RFPL1: variants seen among roughly 807,000 people sequenced by gnomAD.
RFPL1 encodes ret finger protein like 1, also known as ret finger protein-like 1.
Under a neutral mutation model 9.6 loss-of-function variants are expected in RFPL1, and 6 were observed. The ratio of observed to expected loss-of-function variants is 0.62; its 90% CI spans 0.34 to 1.23. The LOEUF is 1.23. RFPL1 is among the 50% of genes most tolerant of loss of function. The pLI, the probability that RFPL1 is intolerant of heterozygous loss-of-function variation, is 0.03. For synonymous variants in RFPL1, 145 were observed against 149.4 expected (o/e 0.97, Z 0.22); for missense variants, 352 against 398.4 (o/e 0.88, Z 0.99).
chr22:29,413,177 T>C, the RFPL1 span, among the ~76,000 whole-genome samples: 2 of 151,852 alleles, frequency 1.3e-5, no homozygotes, highest in African/African-American at 4.8e-5. Flanking sequence ...CAGTCATATA[T>C]GTGCCTCTTC....
At chr22:29,428,832 T>A in the RFPL1 span, among the ~76,000 whole-genome samples, 1 of 152,106 alleles carries the variant, frequency 6.6e-6, no homozygotes, top group Admixed American at 6.5e-5. Context: ...CTATGGTGTA[T>A]AATAAAAGCA....
chr22:29,414,360 A>G, the RFPL1 span, among the ~76,000 whole-genome samples: 1 of 152,352 alleles, frequency 6.6e-6, no homozygotes, highest in East Asian at 1.9e-4. Flanking sequence ...TAGCAAAACA[A>G]CTTTACTTTT....
the RFPL1 span, among the ~76,000 whole-genome samples, chr22:29,427,145 C>G: frequency 6.6e-6 from 1 of 152,224 alleles, no homozygotes; most frequent in African/African-American, 2.4e-5. Context: ...CCTGGCCACC[C>G]AGCAGCTCTG....
the RFPL1 span, chr22:29,388,385 A>G: frequency 6.6e-6 from 1 of 152,008 alleles, no homozygotes; most frequent in Non-Finnish European, 1.5e-5. Flanking sequence ...CCCTCGCCCC[A>G]CTTCTTCTCC....
chr22:29,415,381 C>T, the RFPL1 span, among the ~76,000 whole-genome samples: 1 of 152,248 alleles, frequency 6.6e-6, no homozygotes, highest in African/African-American at 2.4e-5. Flanking sequence ...ACTCCAAGCG[C>T]CAGTTCCTTC....
chr22:29,438,537 G>A (rs113099274), upstream of RFPL1: 125 of 1,294,246 alleles, frequency 9.7e-5, no homozygotes, highest in African/African-American at 1.6e-3. Flanking sequence ...GGTTCCCCTA[G>A]GAGGAGGTGA....
chr22:29,426,989 A>G, the RFPL1 span, among the ~76,000 whole-genome samples: 257 of 152,314 alleles, frequency 1.7e-3, no homozygotes, highest in Middle Eastern at 3.4e-3. Context: ...CTTTACATCC[A>G]TGAAATGGGG....
the RFPL1 span, among the ~76,000 whole-genome samples, chr22:29,412,158 C>T: frequency 6.6e-6 from 1 of 152,148 alleles, no homozygotes; most frequent in Non-Finnish European, 1.5e-5. Context: ...TTTTCTGACA[C>T]AGAGCAGACA....
chr22:29,389,872 C>G, the RFPL1 span, among the ~76,000 whole-genome samples: 1 of 151,352 alleles, frequency 6.6e-6, no homozygotes, highest in Admixed American at 6.6e-5. Context: ...GATTTTGGCT[C>G]ACTGCAACCT....
chr22:29,404,446 G>T, the RFPL1 span, among the ~76,000 whole-genome samples: 1 of 151,760 alleles, frequency 6.6e-6, no homozygotes, highest in Non-Finnish European at 1.5e-5. Context: ...TTTTAAGTTA[G>T]GTGTAATATG....
the RFPL1 span, among the ~76,000 whole-genome samples, chr22:29,398,693 A>G: frequency 6.6e-6 from 1 of 152,244 alleles, no homozygotes; most frequent in Non-Finnish European, 1.5e-5. Context: ...CGTGGTGCAC[A>G]AAGAACACAC....
the RFPL1 span, among the ~76,000 whole-genome samples, chr22:29,432,335 C>G: frequency 9.9e-5 from 15 of 152,132 alleles, no homozygotes; most frequent in Admixed American, 9.8e-4. Flanking sequence ...CTGGAGCCCC[C>G]CTCCTATCAC....
At chr22:29,394,964 G>A in the RFPL1 span, among the ~76,000 whole-genome samples, 1 of 152,038 alleles carries the variant, frequency 6.6e-6, no homozygotes, top group Non-Finnish European at 1.5e-5. Flanking sequence ...TTGAGAGTTC[G>A]TGCGGTCTCG....
At chr22:29,437,695 A>G, upstream of RFPL1, 1 of 1,585,968 alleles carries the variant, frequency 6.3e-7, no homozygotes, top group East Asian at 2.3e-5. Context: ...GCCCAGTGGA[A>G]GCAGCTGGAG....
the RFPL1 span, among the ~76,000 whole-genome samples, chr22:29,402,850 G>A: frequency 1.4e-4 from 19 of 140,574 alleles, no homozygotes; most frequent in South Asian, 2.5e-4. Context: ...AGCCCAGGAC[G>A]AATAGTGCAG....
exon 1 of RFPL1, chr22:29,439,006 A>G (rs1332294154): frequency 6.2e-7 from 1 of 1,613,942 alleles, no homozygotes; most frequent in Non-Finnish European, 8.5e-7. Flanking sequence ...AAGGAGCCCC[A>G]TGGGGAGGAT....
chr22:29,393,611 A>G, the RFPL1 span, among the ~76,000 whole-genome samples: 1 of 151,890 alleles, frequency 6.6e-6, no homozygotes, highest in Non-Finnish European at 1.5e-5. Context: ...GCCCTCTGAG[A>G]CCCCAGGCCC....
chr22:29,442,085 C>T (rs1233842778), exon 2 of RFPL1: 1 of 1,594,140 alleles, frequency 6.3e-7, no homozygotes, highest in East Asian at 2.2e-5. Flanking sequence ...AACCCGGGCA[C>T]TACTGATGCT....
At chr22:29,402,332 G>A in the RFPL1 span, among the ~76,000 whole-genome samples, 1 of 152,204 alleles carries the variant, frequency 6.6e-6, no homozygotes, top group Non-Finnish European at 1.5e-5. Flanking sequence ...ATCAAATGAG[G>A]ACAGTGGTTC....
Sources: allele counts gnomAD v4.1 joint callset (sites outside exome capture counted in the v4.1 genomes callset), GRCh38; gene constraint gnomAD v4.1.1; transcripts MANE v1.5; gene names NCBI Gene and HGNC (gene_info 2026-07-23, HGNC 2026-07-21).